Variants in ACYP2 observed in about 807,000 individuals in gnomAD.
The protein encoded by ACYP2 is acylphosphatase 2, also known as acylphosphatase-2.
Under a neutral mutation model 11.2 loss-of-function variants are expected in ACYP2, and 12 were observed. That is an observed-to-expected ratio of 1.08 (90% CI 0.69 to 1.74). ACYP2 has a LOEUF of 1.74. Ranked by LOEUF, ACYP2 falls within the 40% of genes most tolerant of loss-of-function variation. The probability of loss-of-function intolerance (pLI) is 0.00; values close to 1 mark genes in which losing one functional copy is unlikely to be tolerated. For synonymous variants in ACYP2, 43 were observed against 32.2 expected, an observed-to-expected ratio of 1.33 and a Z score of -1.13; for missense variants, 134 against 101.9, an observed-to-expected ratio of 1.31 and a Z score of -1.35.
intron 6 of ACYP2, among the ~76,000 whole-genome samples, chr2:54,280,617 C>T (rs1314397495): frequency 6.6e-6 from 1 of 152,060 alleles, no homozygotes; most frequent in African/African-American, 2.4e-5. Flanking sequence ...GGTAGTGTCC[C>T]AAAAGCCGTG....
chr2:54,266,011 C>T (rs1312335394), intron 6 of ACYP2, among the ~76,000 whole-genome samples: 1 of 152,104 alleles, frequency 6.6e-6, no homozygotes, highest in Non-Finnish European at 1.5e-5. Flanking sequence ...ATAAAAAAAC[C>T]TCAATATATT....
intron 6 of ACYP2, among the ~76,000 whole-genome samples, chr2:54,302,176 G>C (rs1573077706): frequency 6.6e-6 from 1 of 152,186 alleles, no homozygotes; most frequent in South Asian, 2.1e-4. Flanking sequence ...AGTAGCCCTA[G>C]TCTTGGATTC....
chr2:54,081,019 A>G (rs1677617941), intron 4 of ACYP2, among the ~76,000 whole-genome samples: 1 of 152,238 alleles, frequency 6.6e-6, no homozygotes, highest in Non-Finnish European at 1.5e-5. Context: ...CATGTTTCAT[A>G]TATGGTTTAT....
At position 54,135,601 on chromosome 2, in the gene ACYP2, A is replaced by G. The variant is rs1249391089; in HGVS notation, c.294+132A>G. The G allele has an allele frequency of 3.0e-5, 19 of 640,316 alleles. No individual in the cohort carries two copies. The highest frequency in any genetic ancestry group is 4.9e-5 in the Non-Finnish European group (19 of 386,214). 39.7% of individuals were successfully genotyped at this position (640,316 alleles called of 1,614,324 possible). ...TGTCCTTGACAGCAAATGAAGAAAT[A>G]TATGTATTTCTTTGAAATTACTGAT... On this transcript the variant is annotated intron_variant, in intron 5 of 6. Transcript: ENST00000607452.
At chr2:54,252,226 T>A (rs920702499) in intron 6 of ACYP2, among the ~76,000 whole-genome samples, 3 of 152,248 alleles carry the variant, frequency 2.0e-5, no homozygotes, top group South Asian at 2.1e-4. Context: ...GATTCATTCA[T>A]ATTATTGCAT....
intron 6 of ACYP2, among the ~76,000 whole-genome samples, chr2:54,212,389 C>T (rs1685363429): frequency 6.6e-6 from 1 of 152,230 alleles, no homozygotes; most frequent in South Asian, 2.1e-4. Context: ...AATTTGAGTT[C>T]ACCTGTCATC....
At chr2:54,096,705 C>T (rs1050148172) in intron 4 of ACYP2, among the ~76,000 whole-genome samples, 1 of 152,168 alleles carries the variant, frequency 6.6e-6, no homozygotes, top group Admixed American at 6.5e-5. Flanking sequence ...TGGCGGCGCG[C>T]GCCTGCAATC....
At chr2:54,102,864 G>A (rs1678973509) in intron 4 of ACYP2, among the ~76,000 whole-genome samples, 1 of 152,116 alleles carries the variant, frequency 6.6e-6, no homozygotes, top group Non-Finnish European at 1.5e-5. Context: ...AGGGTTAAAT[G>A]ATTCAGCAGT....
At chr2:54,275,627 G>T (rs1386389927) in intron 6 of ACYP2, among the ~76,000 whole-genome samples, 5 of 152,170 alleles carry the variant, frequency 3.3e-5, no homozygotes, top group Non-Finnish European at 5.9e-5. Flanking sequence ...CTTTGACAGG[G>T]AGAAACTGAT....
chr2:54,131,906 A>C (rs990236904), intron 4 of ACYP2, among the ~76,000 whole-genome samples: 1 of 152,208 alleles, frequency 6.6e-6, no homozygotes, highest in African/African-American at 2.4e-5. Flanking sequence ...GGAGGGGCCC[A>C]AGAATTTTAT....
rs140596983 is a variant in ACYP2 at position 54,023,223 on chromosome 2, G to A, written c.63-27735G>A. Among the ~76,000 whole-genome samples the A allele has an allele frequency of 4.9e-3, 752 of 152,252 alleles. 2 individuals carry two copies. The highest frequency in any genetic ancestry group is 0.01 in the Middle Eastern group (3 of 294). On this transcript the variant is annotated intron_variant, in intron 2 of 6. Coordinates refer to ENST00000607452, the MANE Select transcript of ACYP2 (RefSeq NM_001320586.2). ...ATTTCATTTTACATTTTATGTGTGT[G>A]TGGGTTGTGACCATATATTTTATTA...
intron 4 of ACYP2, among the ~76,000 whole-genome samples, chr2:54,120,758 G>GGGT (rs1447699029): frequency 6.6e-6 from 1 of 152,144 alleles, no homozygotes; most frequent in Non-Finnish European, 1.5e-5. Flanking sequence ...GCTGGTCCAG[G>GGGT]GGTGCCGTGA....
At chr2:54,170,122 C>T (rs1176115229) in intron 6 of ACYP2, among the ~76,000 whole-genome samples, 1 of 152,074 alleles carries the variant, frequency 6.6e-6, no homozygotes, top group Non-Finnish European at 1.5e-5. Context: ...TCCTAAGGTG[C>T]CCTCAAGGAG....
chr2:54,032,875 T>C (rs1246623252), intron 2 of ACYP2, among the ~76,000 whole-genome samples: 1 of 152,032 alleles, frequency 6.6e-6, no homozygotes, highest in Admixed American at 6.6e-5. Context: ...AGAATCAATA[T>C]TGTGAAAATG....
intron 6 of ACYP2, among the ~76,000 whole-genome samples, chr2:54,216,017 C>T (rs762752357): frequency 2.9e-4 from 44 of 152,262 alleles, no homozygotes; most frequent in South Asian, 1.4e-3. Context: ...AATTATTCAG[C>T]TCTGTTTTCA....
At chr2:54,200,731 T>A (rs184125726) in intron 6 of ACYP2, among the ~76,000 whole-genome samples, 1 of 152,324 alleles carries the variant, frequency 6.6e-6, no homozygotes, top group East Asian at 1.9e-4. Flanking sequence ...GAACATACTT[T>A]TGTGTGTACA....
intron 4 of ACYP2, among the ~76,000 whole-genome samples, chr2:54,074,401 C>T (rs1572696491): frequency 6.6e-6 from 1 of 152,096 alleles, no homozygotes; most frequent in Non-Finnish European, 1.5e-5. Flanking sequence ...AGTTCGAGAC[C>T]AACCTGGACA....
chr2:54,032,691 C>T (rs562272023), intron 2 of ACYP2, among the ~76,000 whole-genome samples: 4 of 152,076 alleles, frequency 2.6e-5, no homozygotes, highest in Non-Finnish European at 5.9e-5. Context: ...ATGGGGATGG[C>T]ATTGAATCTA....
intron 6 of ACYP2, among the ~76,000 whole-genome samples, chr2:54,140,236 G>A (rs951790625): frequency 2.6e-5 from 4 of 152,150 alleles, no homozygotes; most frequent in African/African-American, 9.6e-5. Flanking sequence ...TTGTGTGGAA[G>A]TTTTAAAGTA....
Sources: gnomAD v4.1 joint callset for allele counts (sites outside exome capture counted in the v4.1 genomes callset) on GRCh38, gnomAD v4.1.1 for gene constraint, MANE v1.5 for transcripts, NCBI Gene and HGNC (gene_info 2026-07-23, HGNC 2026-07-21) for gene names.